Variants in FAR2 observed in about 807,000 individuals in gnomAD.
FAR2 encodes fatty acyl-CoA reductase 2.
Under a neutral mutation model 56.0 loss-of-function variants are expected in FAR2, and 19 were observed. The ratio of observed to expected loss-of-function variants is 0.34; its 90% CI spans 0.24 to 0.50. The LOEUF is 0.50. Ranked by LOEUF, FAR2 falls within the 20% of genes least tolerant of loss-of-function variation. The pLI is 0.98. For missense variants in FAR2, 508 were observed against 642.2 expected (o/e 0.79, Z 2.26); for synonymous variants, 219 against 218.8 (o/e 1.00, Z -0.01).
chr12:29,197,368 G>C (rs1045876488), intron 1 of FAR2, among the ~76,000 whole-genome samples: 3 of 152,170 alleles, frequency 2.0e-5, no homozygotes, highest in Non-Finnish European at 2.9e-5. Context: ...GAATTAAAAG[G>C]CTACTTAGGC....
intron 1 of FAR2, among the ~76,000 whole-genome samples, chr12:29,169,525 G>A (rs142268867): frequency 1.3e-5 from 2 of 152,294 alleles, no homozygotes; most frequent in Non-Finnish European, 2.9e-5. Flanking sequence ...TCCAGAGGTT[G>A]GTATAAGAAT....
intron 1 of FAR2, among the ~76,000 whole-genome samples, chr12:29,248,391 G>C (rs1948160934): frequency 6.6e-6 from 1 of 152,058 alleles, no homozygotes; most frequent in Non-Finnish European, 1.5e-5. Flanking sequence ...ATGTCGGTAG[G>C]TTCCGTGATG....
intron 1 of FAR2, among the ~76,000 whole-genome samples, chr12:29,177,453 A>G (rs547162722): frequency 5.6e-4 from 85 of 152,354 alleles, no homozygotes; most frequent in African/African-American, 1.9e-3. Context: ...GGATAGAAGA[A>G]TGATGTCACT....
chr12:29,283,195 A>T (rs1357410194), intron 2 of FAR2, among the ~76,000 whole-genome samples: 1 of 152,232 alleles, frequency 6.6e-6, no homozygotes, highest in Non-Finnish European at 1.5e-5. Context: ...ATAAAATAGT[A>T]AATGACACAA....
At chr12:29,269,909 A>G (rs1367170162) in intron 1 of FAR2, among the ~76,000 whole-genome samples, 1 of 152,166 alleles carries the variant, frequency 6.6e-6, no homozygotes, top group Non-Finnish European at 1.5e-5. Flanking sequence ...GTCCTGTAAC[A>G]CTGCATCCCT....
Position 29,294,874 on chromosome 12 carries a change from T to A in FAR2, c.365+1399T>A, listed in dbSNP as rs1313795629. The stretch of plus-strand genomic sequence containing the variant: ...AGATGTGAAAGTAAAGCAGCTTTAT[T>A]TTTTTTTTCTGCCACATGGTTAGTT... On this transcript the variant is annotated intron_variant, in intron 3 of 11. Coordinates refer to ENST00000536681, the MANE Select transcript of FAR2 (RefSeq NM_001271783.2). Among the ~76,000 whole-genome samples, 4 of 151,818 alleles carry A rather than the reference T, an allele frequency of 2.6e-5. No individual in the cohort carries two copies. The East Asian group carries it at 7.7e-4, about 29-fold the overall frequency.
intron 1 of FAR2, among the ~76,000 whole-genome samples, chr12:29,186,755 A>T (rs1008319729): frequency 4.3e-5 from 2 of 46,324 alleles, no homozygotes; most frequent in African/African-American, 8.2e-5. Context: ...TTCTTTATTT[A>T]TTATTTATTT....
intron 1 of FAR2, among the ~76,000 whole-genome samples, chr12:29,260,780 G>A (rs574603542): frequency 6.6e-6 from 1 of 152,164 alleles, no homozygotes; most frequent in Non-Finnish European, 1.5e-5. Flanking sequence ...ACCCTGAAGG[G>A]AGACAGGCTC....
intron 2 of FAR2, among the ~76,000 whole-genome samples, chr12:29,286,549 G>C (rs1463301427): frequency 6.6e-6 from 1 of 152,134 alleles, no homozygotes; most frequent in Non-Finnish European, 1.5e-5. Flanking sequence ...CTTAAGTTTG[G>C]TCTCCATCTT....
At chr12:29,178,774 T>C (rs973398956) in intron 1 of FAR2, among the ~76,000 whole-genome samples, 3 of 152,220 alleles carry the variant, frequency 2.0e-5, no homozygotes, top group African/African-American at 4.8e-5. Context: ...TTGCTGACAA[T>C]ATATGGCTTA....
chr12:29,247,765 C>T (rs1430636441), intron 1 of FAR2, among the ~76,000 whole-genome samples: 1 of 151,998 alleles, frequency 6.6e-6, no homozygotes, highest in Non-Finnish European at 1.5e-5. Flanking sequence ...GTCTCTTAAC[C>T]CATAGGAGTG....
chr12:29,266,273 G>A (rs1464129999), intron 1 of FAR2, among the ~76,000 whole-genome samples: 1 of 152,152 alleles, frequency 6.6e-6, no homozygotes, highest in Non-Finnish European at 1.5e-5. Flanking sequence ...TCCATCAATA[G>A]ATGAATGGAT....
intron 1 of FAR2, among the ~76,000 whole-genome samples, chr12:29,200,941 C>T (rs984839995): frequency 6.6e-6 from 1 of 152,168 alleles, no homozygotes; most frequent in Non-Finnish European, 1.5e-5. Context: ...GCGGCTCGAA[C>T]ACAGCTGGAC....
At chr12:29,158,196 C>G (rs1591822506) in intron 1 of FAR2, among the ~76,000 whole-genome samples, 1 of 152,046 alleles carries the variant, frequency 6.6e-6, no homozygotes, top group South Asian at 2.1e-4. Flanking sequence ...AAAAAACCAA[C>G]TTTGTATTTC....
chr12:29,260,489 G>T (rs1379917241), intron 1 of FAR2, among the ~76,000 whole-genome samples: 1 of 152,154 alleles, frequency 6.6e-6, no homozygotes, highest in African/African-American at 2.4e-5. Context: ...AGGATTTATT[G>T]TGTTTGGGAA....
rs59448421 is a variant in FAR2, at chr12:29,180,721, TTATCTATCTATCTATC to T, written c.-39+31350_-39+31365del. 1.7e-3 allele frequency among the ~76,000 whole-genome samples: 244 copies of T among 146,596 alleles called. 1 individual carries two copies. Among genetic ancestry groups the T allele is most frequent in the Admixed American group, 8.2e-4 (12 of 14,584 alleles). ...TAAGATCACATGTATTATTCATTGTTTATCTATCTATCTATCTATCTATCTATCTATCTATCTATCT... is the reference window on the plus strand; with the variant it reads ...TAAGATCACATGTATTATTCATTGTTTATCTATCTATCTATCTATCTATCT... On this transcript the variant is annotated intron_variant, in intron 1 of 11. Coordinates refer to ENST00000536681, the MANE Select transcript of FAR2 (RefSeq NM_001271783.2).
chr12:29,308,383 G>A (rs1411223263), intron 5 of FAR2, among the ~76,000 whole-genome samples: 1 of 152,006 alleles, frequency 6.6e-6, no homozygotes, highest in East Asian at 1.9e-4. Context: ...CAACATTTTT[G>A]AGTTGTCCCT....
chr12:29,289,785 A>C (rs1948934772), intron 2 of FAR2, among the ~76,000 whole-genome samples: 1 of 152,178 alleles, frequency 6.6e-6, no homozygotes, highest in Admixed American at 6.5e-5. Flanking sequence ...ATTTGCAAAC[A>C]ACCTATCTGA....
chr12:29,263,078 G>A (rs575815661), intron 1 of FAR2, among the ~76,000 whole-genome samples: 1 of 152,264 alleles, frequency 6.6e-6, no homozygotes, highest in African/African-American at 2.4e-5. Context: ...TGATAAAGAT[G>A]TTGAACCAGC....
Sources: allele counts gnomAD v4.1 joint callset (sites outside exome capture counted in the v4.1 genomes callset), GRCh38; gene constraint gnomAD v4.1.1; transcripts MANE v1.5; gene names NCBI Gene and HGNC (gene_info 2026-07-23, HGNC 2026-07-21).